Variants in FAM168B observed in about 807,000 individuals in gnomAD.
FAM168B encodes family with sequence similarity 168 member B, also known as myelin-associated neurite-outgrowth inhibitor.
In FAM168B, 19 loss-of-function variants were observed where a neutral mutation model predicts 21.8. The ratio of observed to expected loss-of-function variants is 0.87; its 90% confidence interval spans 0.61 to 1.28. FAM168B has a LOEUF of 1.28. FAM168B is among the 50% of genes most tolerant of loss of function. FAM168B has a pLI of 0.00. For missense variants in FAM168B, 233 were observed against 263.1 expected (o/e 0.89, Z 0.79); for synonymous variants, 126 against 104.8 (o/e 1.20, Z -1.24).
intron 1 of FAM168B, among the ~76,000 whole-genome samples, chr2:131,089,207 C>T (rs1693879874): frequency 6.6e-6 from 1 of 151,906 alleles, no homozygotes; most frequent in Non-Finnish European, 1.5e-5. Context: ...CTCAGGTGAT[C>T]CGCCAGTCTT....
chr2:131,050,759 T>C lies in FAM168B; in HGVS notation c.*1706A>G. On this transcript the variant is annotated 3_prime_UTR_variant, in exon 7 of 7. Transcript: ENST00000389915. Reference sequence around the variant, plus strand: ...AACTGGGGCAGAATGCTAGTGGGCATCCTCACTGGGCGCCAGTGCCCTGAC... The same window carrying C: ...AACTGGGGCAGAATGCTAGTGGGCACCCTCACTGGGCGCCAGTGCCCTGAC... 1 of 985,378 alleles carries C rather than the reference T, an allele frequency of 1.0e-6. No individual in the cohort carries two copies. Among genetic ancestry groups the C allele is most frequent in the South Asian group, 4.7e-5 (1 of 21,292 alleles). The allele number at this position is 985,378 out of a possible 1,614,324, so 61.0% of individuals were successfully genotyped here.
rs1317411242 is a variant in FAM168B, at chr2:131,050,892, C to G, written c.*1573G>C. ...AGACGCACGCTCCTGCCCTAGAGGC[C>G]GCTGAAAGGGACCCAGGCCTTACAT... On this transcript the variant is annotated 3_prime_UTR_variant, in exon 7 of 7. Coordinates refer to ENST00000389915, the MANE Select transcript of FAM168B (RefSeq NM_001009993.4). 1.0e-6 allele frequency: 1 copy of G among 985,610 alleles called. No individual in the cohort carries two copies. Among genetic ancestry groups the G allele is most frequent in the Non-Finnish European group, 1.2e-6 (1 of 830,234 alleles). 61.1% of individuals were successfully genotyped at this position (985,610 alleles called of 1,614,324 possible).
chr2:131,059,879 T>C lies in FAM168B; in HGVS notation c.155-4184A>G, dbSNP rs80296040. Among the ~76,000 whole-genome samples the C allele has an allele frequency of 2.6e-3, 402 of 152,262 alleles. 1 individual carries two copies. Among genetic ancestry groups the C allele is most frequent in the African/African-American group, 8.5e-3 (353 of 41,534 alleles). On this transcript the variant is annotated intron_variant, in intron 3 of 6. Coordinates refer to ENST00000389915, the MANE Select transcript of FAM168B (RefSeq NM_001009993.4). The stretch of plus-strand genomic sequence containing the variant: ...AAGCTGATGAATATAATGTCTGAGA[T>C]TTGCTTCAAAATAATACAGAGGAAA...
chr2:131,064,628 T>C (rs996002083), intron 3 of FAM168B, among the ~76,000 whole-genome samples: 1 of 152,174 alleles, frequency 6.6e-6, no homozygotes, highest in African/African-American at 2.4e-5. Context: ...AATCTCAAAA[T>C]TGTGACTTTT....
intron 3 of FAM168B, among the ~76,000 whole-genome samples, chr2:131,061,626 C>G (rs1692299236): frequency 6.6e-6 from 1 of 151,958 alleles, no homozygotes; most frequent in South Asian, 2.1e-4. Flanking sequence ...ACTAAAAATA[C>G]AAAAGTTAGC....
In FAM168B at chr2:131,086,414, C is replaced by G. The variant is rs1040142433; in HGVS notation, c.-11-3757G>C. 3.3e-5 allele frequency among the ~76,000 whole-genome samples: 5 copies of G among 152,076 alleles called. No individual in the cohort carries two copies. In the South Asian group the frequency reaches 1.0e-3, roughly 31 times the overall value. On this transcript the variant is annotated intron_variant, in intron 1 of 6. Coordinates refer to ENST00000389915, the MANE Select transcript of FAM168B (RefSeq NM_001009993.4). ...ACAGAACTGTTCACAAAGATGGAAACGAGCCCTGGCAATATGGCAAGACCC... is the reference window on the plus strand; with the variant it reads ...ACAGAACTGTTCACAAAGATGGAAAGGAGCCCTGGCAATATGGCAAGACCC...
chr2:131,090,413 C>G (rs1036736197), intron 1 of FAM168B, among the ~76,000 whole-genome samples: 1 of 151,650 alleles, frequency 6.6e-6, no homozygotes, highest in Admixed American at 6.6e-5. Context: ...AAGTTCCACA[C>G]AGAGCACTAA....
At chr2:131,069,291 C>A (rs750244288) in intron 3 of FAM168B, among the ~76,000 whole-genome samples, 1 of 152,200 alleles carries the variant, frequency 6.6e-6, no homozygotes, top group East Asian at 1.9e-4. Context: ...GAGTAACTTA[C>A]GTTATGGTGG....
intron 2 of FAM168B, among the ~76,000 whole-genome samples, chr2:131,077,212 T>TAAAAAA (rs34175924): frequency 7.7e-6 from 1 of 130,278 alleles, no homozygotes; most frequent in Non-Finnish European, 1.7e-5. Flanking sequence ...CTATTACATT[T>TAAAAAA]AAAAAAAAAA....
intron 3 of FAM168B, among the ~76,000 whole-genome samples, chr2:131,061,437 G>C (rs1310516415): frequency 6.6e-6 from 1 of 151,950 alleles, no homozygotes; most frequent in African/African-American, 2.4e-5. Context: ...AACAAGCAAG[G>C]AAGTTAGCTG....
chr2:131,085,304 A>G (rs945087417), intron 1 of FAM168B, among the ~76,000 whole-genome samples: 4 of 152,168 alleles, frequency 2.6e-5, no homozygotes, highest in African/African-American at 9.7e-5. Flanking sequence ...GTAATAAGTA[A>G]CAAAACACAA....
chr2:131,058,422 G>A (rs1692132328), intron 3 of FAM168B, among the ~76,000 whole-genome samples: 1 of 152,130 alleles, frequency 6.6e-6, no homozygotes, highest in Non-Finnish European at 1.5e-5. Context: ...AACAACAGGT[G>A]GTCCTGTCCT....
Position 131,049,563 on chromosome 2 carries a change from T to C in FAM168B, c.*2902A>G, listed in dbSNP as rs1691521673. ...CTAAATGCTCAGCCGCCAGCACAGATCCAAACAAGACCTCCATGAGCAGAG... is the reference window on the plus strand; with the variant it reads ...CTAAATGCTCAGCCGCCAGCACAGACCCAAACAAGACCTCCATGAGCAGAG... On this transcript the variant is annotated 3_prime_UTR_variant, in exon 7 of 7. Transcript: ENST00000389915. 1.0e-6 allele frequency: 1 copy of C among 985,180 alleles called. No homozygotes were observed. Among genetic ancestry groups the C allele is most frequent in the African/African-American group, 1.7e-5 (1 of 57,166 alleles). The allele number at this position is 985,180 out of a possible 1,614,324, so 61.0% of individuals were successfully genotyped here. A position where few individuals can be genotyped will look rare whatever the true frequency, so the allele number is the denominator to read the frequency against.
At position 131,048,586 on chromosome 2, in the gene FAM168B, A is replaced by G. The variant is rs1324730168; in HGVS notation, c.*3879T>C. On this transcript the variant is annotated 3_prime_UTR_variant, in exon 7 of 7. Coordinates refer to ENST00000389915, the MANE Select transcript of FAM168B (RefSeq NM_001009993.4). ...AGTTTCCGACCCAAATAGGCCACATACCCCAACTTCTGTGTTACTTGGTCA... is the reference window on the plus strand; with the variant it reads ...AGTTTCCGACCCAAATAGGCCACATGCCCCAACTTCTGTGTTACTTGGTCA... 1.8e-6 allele frequency: 2 copies of G among 1,095,670 alleles called. No individual in the cohort carries two copies. Among genetic ancestry groups the G allele is most frequent in the South Asian group, 2.5e-5 (1 of 40,260 alleles). The allele number at this position is 1,095,670 out of a possible 1,614,324, so 67.9% of individuals were successfully genotyped here. A position where few individuals can be genotyped will look rare whatever the true frequency, so the allele number is the denominator to read the frequency against.
chr2:131,071,842 A>G lies in FAM168B; in HGVS notation c.154+13T>C. On this transcript the variant is annotated intron_variant, in intron 3 of 6. Transcript: ENST00000389915. ...AGCTGTACGTACAAAGCATTTTACCACCCAGCACATACCTGTTTGGAAGGT... is the reference window on the plus strand; with the variant it reads ...AGCTGTACGTACAAAGCATTTTACCGCCCAGCACATACCTGTTTGGAAGGT... 3.7e-6 allele frequency: 6 copies of G among 1,612,820 alleles called. No individual in the cohort carries two copies. Among genetic ancestry groups the G allele is most frequent in the Non-Finnish European group, 5.1e-6 (6 of 1,178,980 alleles).
intron 3 of FAM168B, among the ~76,000 whole-genome samples, chr2:131,056,826 C>T (rs963009845): frequency 3.3e-5 from 5 of 152,124 alleles, no homozygotes; most frequent in Admixed American, 6.5e-5. Flanking sequence ...TACAAGGACA[C>T]ATGCTGGATG....
At chr2:131,075,566 C>G (rs1693107486) in intron 2 of FAM168B, among the ~76,000 whole-genome samples, 2 of 151,696 alleles carry the variant, frequency 1.3e-5, no homozygotes, top group Admixed American at 6.6e-5. Context: ...GTGATCTCGG[C>G]TTACTGCAAG....
chr2:131,060,664 G>C (rs1174897061), intron 3 of FAM168B, among the ~76,000 whole-genome samples: 1 of 152,172 alleles, frequency 6.6e-6, no homozygotes, highest in Non-Finnish European at 1.5e-5. Context: ...CCTCACTCAT[G>C]TTAGGGAGGG....
chr2:131,085,383 T>C lies in FAM168B; in HGVS notation c.-11-2726A>G, dbSNP rs970655979. On this transcript the variant is annotated intron_variant, in intron 1 of 6. Coordinates refer to ENST00000389915, the MANE Select transcript of FAM168B (RefSeq NM_001009993.4). The stretch of plus-strand genomic sequence containing the variant: ...TGTAGCCAAAACAAGCAGGGAACAG[T>C]TGCACTTGGTTCTGTTTAAAGGCAA... Among the ~76,000 whole-genome samples, 3 of 152,070 alleles carry C rather than the reference T, an allele frequency of 2.0e-5. No individual in the cohort carries two copies. The East Asian group carries it at 5.8e-4, about 29-fold the overall frequency.
Sources: allele counts gnomAD v4.1 joint callset (sites outside exome capture counted in the v4.1 genomes callset), GRCh38; gene constraint gnomAD v4.1.1; transcripts MANE v1.5; gene names NCBI Gene and HGNC (gene_info 2026-07-23, HGNC 2026-07-21).